Variants in RASL10A observed in about 807,000 individuals in gnomAD.
RASL10A encodes RAS like family 10 member A.
Under a neutral mutation model 17.3 loss-of-function variants are expected in RASL10A, and 13 were observed. The ratio of observed to expected loss-of-function variants is 0.75; its 90% CI spans 0.49 to 1.20. The LOEUF (loss-of-function observed/expected upper bound fraction) is 1.20. Among genes scored for constraint, RASL10A ranks in the 50% most tolerant of loss-of-function variants. The pLI, the probability that RASL10A is intolerant of heterozygous loss-of-function variation, is 0.00. For missense variants in RASL10A, 307 were observed against 310.3 expected, an observed-to-expected ratio of 0.99 and a Z score of 0.08; for synonymous variants, 159 against 142.2, an observed-to-expected ratio of 1.12 and a Z score of -0.84.
upstream of RASL10A, among the ~76,000 whole-genome samples, chr22:29,315,986 C>T (rs1000142819): frequency 2.0e-5 from 3 of 152,252 alleles, no homozygotes; most frequent in African/African-American, 7.2e-5. The surrounding 1 kb of genome is among the most constrained non-coding windows in gnomAD (Gnocchi z 5.5). Flanking sequence ...GCCCCGGCCC[C>T]CGGAGTCAGG....
At position 29,313,987 on chromosome 22, in the gene RASL10A, C is replaced by A; in HGVS notation, c.220G>T (p.Glu74Ter). ...CTCCAGTCCTTAGCGTCTGGCCACTCCTGGGGACAGGAGGCCAGGGTTTGC... is the reference window on the plus strand; with the variant it reads ...CTCCAGTCCTTAGCGTCTGGCCACTACTGGGGACAGGAGGCCAGGGTTTGC... Reference protein sequence around the residue: ...GPGSSPGGPEEWPDAKDWSLQ... With the variant: ...GPGSSPGGPE Residue 74 changes from glutamate (E) to a stop codon, truncating the protein, a stop_gained and splice_region_variant, in exon 2 of 3, where the codon GAG becomes TAG. Coordinates refer to ENST00000216101, the MANE Select transcript of RASL10A (RefSeq NM_006477.5). LOFTEE classifies it high-confidence loss of function. The A allele has an allele frequency of 6.2e-7, 1 of 1,613,296 alleles. No individual in the cohort carries two copies.
chr22:29,315,823 CTG>C (rs1247862344), upstream of RASL10A: 1 of 151,410 alleles, frequency 6.6e-6, no homozygotes, highest in African/African-American at 2.4e-5. This position sits in a 1 kb window ranked among gnomAD's most constrained non-coding sequence, Gnocchi z 5.5. Context: ...AGGAAGGTGA[CTG>C]GGGGACAGAG....
Position 29,315,214 on chromosome 22 carries a change from G to A in RASL10A, c.33C>T (p.Gly11=). The A allele has an allele frequency of 1.3e-6, 2 of 1,519,662 alleles. No homozygotes were observed. Among genetic ancestry groups the A allele is most frequent in the Non-Finnish European group, 1.8e-6 (2 of 1,141,670 alleles). 94.1% of individuals were successfully genotyped at this position (1,519,662 alleles called of 1,614,324 possible). A position where few individuals can be genotyped will look rare whatever the true frequency, so the allele number is the denominator to read the frequency against. Residue 11 remains glycine (G), a synonymous_variant, in exon 1 of 3, where the codon GGC becomes GGT. Transcript: ENST00000216101. The surrounding 1 kb of genome is among the most constrained non-coding windows in gnomAD (Gnocchi z 5.5). The stretch of plus-strand genomic sequence containing the variant: ...TGGCCGTCTTGCCCACGCCCGGGGC[G>A]CCTAGAACGGCCACCCGCAGGCTAC... The part of the protein sequence containing the change: MGGSLRVAVL[G]APGVGKTAII...
Position 29,315,318 on chromosome 22 carries a change from C to T in RASL10A, c.-72G>A, listed in dbSNP as rs2061447271. On this transcript the variant is annotated 5_prime_UTR_variant, in exon 1 of 3. Coordinates refer to ENST00000216101, the MANE Select transcript of RASL10A (RefSeq NM_006477.5). This position sits in a 1 kb window ranked among gnomAD's most constrained non-coding sequence, Gnocchi z 5.5. Reference sequence around the variant, plus strand: ...GGCGCCGCACCGTGCGCCCCCAGGCCGTGCGCCCCGCGCGCCCTGCCCGGT... The same window carrying T: ...GGCGCCGCACCGTGCGCCCCCAGGCTGTGCGCCCCGCGCGCCCTGCCCGGT... The T allele has an allele frequency of 9.3e-7, 1 of 1,079,386 alleles. No homozygotes were observed. The highest frequency in any genetic ancestry group is 1.2e-6 in the Non-Finnish European group (1 of 851,914). 66.9% of individuals were successfully genotyped at this position (1,079,386 alleles called of 1,614,324 possible).
chr22:29,313,121 G>T lies in RASL10A; in HGVS notation c.*180C>A. ...TCCAATGGAGCTTGGGACCTGGTTG[G>T]GTCCAATGAGGTTCAAAAGGGGGCC... On this transcript the variant is annotated 3_prime_UTR_variant, in exon 3 of 3. Transcript: ENST00000216101. The T allele has an allele frequency of 1.3e-6, 1 of 760,896 alleles. No homozygotes were observed. The highest frequency in any genetic ancestry group is 1.9e-6 in the Non-Finnish European group (1 of 519,130). 47.1% of individuals were successfully genotyped at this position (760,896 alleles called of 1,614,324 possible). A position where few individuals can be genotyped will look rare whatever the true frequency, so the allele number is the denominator to read the frequency against.
chr22:29,317,932 C>T (rs898807494), upstream of RASL10A, among the ~76,000 whole-genome samples: 3 of 152,040 alleles, frequency 2.0e-5, no homozygotes, highest in East Asian at 5.8e-4. Context: ...GTGATCCACC[C>T]GCCTCAGCCT....
Position 29,315,327 on chromosome 22 carries a change from C to CGCGCGCCCT in RASL10A, c.-90_-82dup. 3 of 994,800 alleles carry CGCGCGCCCT rather than the reference C, an allele frequency of 3.0e-6. No homozygotes were observed. The highest frequency in any genetic ancestry group is 3.9e-6 in the Non-Finnish European group (3 of 778,260). 61.6% of individuals were successfully genotyped at this position (994,800 alleles called of 1,614,324 possible). A position where few individuals can be genotyped will look rare whatever the true frequency, so the allele number is the denominator to read the frequency against. On this transcript the variant is annotated 5_prime_UTR_variant, in exon 1 of 3. Coordinates refer to ENST00000216101, the MANE Select transcript of RASL10A (RefSeq NM_006477.5). The surrounding 1 kb of genome is among the most constrained non-coding windows in gnomAD (Gnocchi z 5.5). The stretch of plus-strand genomic sequence containing the variant: ...CCGTGCGCCCCCAGGCCGTGCGCCC[C>CGCGCGCCCT]GCGCGCCCTGCCCGGTGCGCCACGG...
In RASL10A at chr22:29,315,087, C is replaced by A; in HGVS notation, c.160G>T (p.Asp54Tyr). 2 of 1,526,068 alleles carry A rather than the reference C, an allele frequency of 1.3e-6. No homozygotes were observed. The highest frequency in any genetic ancestry group is 2.4e-5 in the South Asian group (2 of 82,666). 94.5% of individuals were successfully genotyped at this position (1,526,068 alleles called of 1,614,324 possible). A position where few individuals can be genotyped will look rare whatever the true frequency, so the allele number is the denominator to read the frequency against. The change falls in exon 1 of 3, where the codon GAC becomes TAC. Residue 54 changes from aspartate (D) to tyrosine (Y), a missense_variant. Coordinates refer to ENST00000216101, the MANE Select transcript of RASL10A (RefSeq NM_006477.5). This position sits in a 1 kb window ranked among gnomAD's most constrained non-coding sequence, Gnocchi z 5.5. ...PAVLLDGAVY[D>Y]LSIRDGDVAG... Reference sequence around the variant, plus strand: ...ACGTCGCCGTCGCGGATGCTCAAGTCGTAGACGGCGCCGTCGAGCAGCACC... The same window carrying A: ...ACGTCGCCGTCGCGGATGCTCAAGTAGTAGACGGCGCCGTCGAGCAGCACC...
rs766964497 is a variant in RASL10A at position 29,315,271 on chromosome 22, G to A, written c.-25C>T. On this transcript the variant is annotated 5_prime_UTR_variant, in exon 1 of 3. Coordinates refer to ENST00000216101, the MANE Select transcript of RASL10A (RefSeq NM_006477.5). This position sits in a 1 kb window ranked among gnomAD's most constrained non-coding sequence, Gnocchi z 5.5. ...TGGCCGGCCGGCGCTGTCGCTCCCC[G>A]CGCTGGAAAGCCTCATGGGCCGGCG... 2.1e-6 allele frequency: 3 copies of A among 1,420,390 alleles called. No homozygotes were observed. Among genetic ancestry groups the A allele is most frequent in the African/African-American group, 1.5e-5 (1 of 66,458 alleles). 88.0% of individuals were successfully genotyped at this position (1,420,390 alleles called of 1,614,324 possible).
upstream of RASL10A, among the ~76,000 whole-genome samples, chr22:29,318,825 G>A (rs1027772533): frequency 3.9e-5 from 6 of 152,192 alleles, no homozygotes; most frequent in African/African-American, 1.4e-4. Context: ...CAGCAGAGGG[G>A]ACTGGCACTA....
At chr22:29,313,788 C>T in intron 2 of RASL10A, 75 bp downstream of exon 2, 1 of 1,587,250 alleles carries the variant, frequency 6.3e-7, no homozygotes, top group Non-Finnish European at 8.5e-7. Context: ...TTGGGAGACC[C>T]TACACACTCT....
upstream of RASL10A, among the ~76,000 whole-genome samples, chr22:29,318,486 CCT>C (rs1403432858): frequency 5.9e-5 from 9 of 152,230 alleles, no homozygotes; most frequent in South Asian, 2.1e-4. Context: ...CACTCAGCCC[CCT>C]GTCGGGAGGG....
At chr22:29,313,777 G>C (rs1015854229) in intron 2 of RASL10A, 86 bp downstream of exon 2, 3 of 1,561,174 alleles carry the variant, frequency 1.9e-6, no homozygotes, top group Admixed American at 3.5e-5. Context: ...GGCCCACGAC[G>C]TTGGGAGACC....
At chr22:29,316,199 G>A (rs1266831056), upstream of RASL10A, among the ~76,000 whole-genome samples, 2 of 152,250 alleles carry the variant, frequency 1.3e-5, no homozygotes, top group African/African-American at 4.8e-5. Context: ...GTTGAGAGAA[G>A]AGGAAACAGG....
chr22:29,315,184 G>A lies in RASL10A; in HGVS notation c.63C>T (p.Ile21=), dbSNP rs1490851354. The A allele has an allele frequency of 1.9e-6, 3 of 1,540,352 alleles. No homozygotes were observed. In the South Asian group the frequency reaches 3.6e-5, roughly 18 times the overall value. The change falls in exon 1 of 3, where the codon ATC becomes ATT. Residue 21 remains isoleucine, a synonymous_variant. Transcript: ENST00000216101. The surrounding 1 kb of genome is among the most constrained non-coding windows in gnomAD (Gnocchi z 5.5). ...GAPGVGKTAI[I]RQFLFGDYPE... ...GGTAGTCACCGAACAGGAACTGGCG[G>A]ATGATGGCCGTCTTGCCCACGCCCG...
upstream of RASL10A, among the ~76,000 whole-genome samples, chr22:29,316,108 A>G (rs2061452825): frequency 1.3e-5 from 2 of 152,302 alleles, no homozygotes; most frequent in South Asian, 2.1e-4. Flanking sequence ...AGAGGCTCCA[A>G]CCTTTTCTTG....
At position 29,314,225 on chromosome 22, in the gene RASL10A, G is replaced by T; in HGVS notation, c.220-238C>A. 1.2e-5 allele frequency: 6 copies of T among 497,700 alleles called. No individual in the cohort carries two copies. The South Asian group carries it at 1.6e-4, about 13-fold the overall frequency. 30.8% of individuals were successfully genotyped at this position (497,700 alleles called of 1,614,324 possible). The stretch of plus-strand genomic sequence containing the variant: ...CCTTGGTCTCCCCTCTGTTTACCCC[G>T]AATCTTCCTCTTTTCAGCTTTCCCC... On this transcript the variant is annotated intron_variant, in intron 1 of 2. Transcript: ENST00000216101.
chr22:29,319,375 C>T (rs2061466215), upstream of RASL10A: 2 of 152,130 alleles, frequency 1.3e-5, no homozygotes, highest in Non-Finnish European at 2.9e-5. Context: ...GGTCCTTGGA[C>T]ATCCTCATGA....
upstream of RASL10A, among the ~76,000 whole-genome samples, chr22:29,318,022 G>A (rs1442028124): frequency 2.6e-5 from 4 of 152,164 alleles, no homozygotes; most frequent in Admixed American, 6.5e-5. Flanking sequence ...AATGCTAGGC[G>A]CACTCCCGCC....
Sources: gnomAD v4.1 joint callset for allele counts (sites outside exome capture counted in the v4.1 genomes callset) on GRCh38, gnomAD v4.1.1 for gene constraint, Gnocchi (gnomAD v3.1) non-coding constraint, MANE v1.5 for transcripts, NCBI Gene and HGNC (gene_info 2026-07-23, HGNC 2026-07-21) for gene names.